Variants in MYO16 observed in about 807,000 individuals in gnomAD.
MYO16 encodes the protein unconventional myosin-XVI.
In MYO16, 94 loss-of-function variants were observed where a neutral mutation model predicts 205.3. That is an observed-to-expected ratio of 0.46 (90% confidence interval 0.39 to 0.54). The LOEUF is 0.54. MYO16 is among the 20% of genes least tolerant of loss of function. The pLI is 0.00. For missense variants in MYO16, 2,315 were observed against 2,387.5 expected (o/e 0.97, Z 0.63); for synonymous variants, 988 against 954.0 (o/e 1.04, Z -0.66).
chr13:108,667,320 G>T (rs1571076), intron 2 of MYO16, among the ~76,000 whole-genome samples: 50,543 of 127,594 alleles, frequency 0.4, 9,449 homozygotes, highest in East Asian at 0.59. Context: ...TTTCTGTTTT[G>T]TTTTTTTTTT....
At chr13:108,985,425 G>A (rs1276518158) in intron 20 of MYO16, among the ~76,000 whole-genome samples, 3 of 152,168 alleles carry the variant, frequency 2.0e-5, no homozygotes, top group African/African-American at 7.2e-5. Flanking sequence ...GTGGGAAGGA[G>A]TAAAGTCATT....
chr13:108,717,101 T>TA (rs1023614642), intron 3 of MYO16, among the ~76,000 whole-genome samples: 1 of 152,048 alleles, frequency 6.6e-6, no homozygotes, highest in African/African-American at 2.4e-5. Context: ...GTTTATGAAG[T>TA]AAAAAACAGT....
At chr13:109,202,771 C>A (rs1337233420) in intron 34 of MYO16, among the ~76,000 whole-genome samples, 3 of 152,128 alleles carry the variant, frequency 2.0e-5, no homozygotes, top group Non-Finnish European at 2.9e-5. Context: ...AAGAAAAAAT[C>A]TGGAGACATC....
intron 1 of MYO16, among the ~76,000 whole-genome samples, chr13:108,615,033 G>C (rs1879302294): frequency 6.6e-6 from 1 of 151,960 alleles, no homozygotes; most frequent in Non-Finnish European, 1.5e-5. Context: ...CATAGAATGG[G>C]AGAAAACATT....
chr13:109,193,120 CCT>C (rs778358688), intron 34 of MYO16, among the ~76,000 whole-genome samples: 4 of 151,732 alleles, frequency 2.6e-5, no homozygotes, highest in Middle Eastern at 3.4e-3. Context: ...TCTCTCTCTC[CCT>C]CTCTCTTTCT....
intron 11 of MYO16, 104 bp downstream of exon 11, chr13:108,855,657 T>C: frequency 2.7e-6 from 2 of 742,492 alleles, no homozygotes; most frequent in Non-Finnish European, 4.2e-6. Context: ...CATTGGAGCT[T>C]CTGGTAGTGG....
chr13:108,613,486 G>A (rs564627775), intron 1 of MYO16, among the ~76,000 whole-genome samples: 1 of 152,152 alleles, frequency 6.6e-6, no homozygotes, highest in African/African-American at 2.4e-5. Context: ...CATAATAGAT[G>A]AAGAAGGAAC....
At chr13:108,721,768 C>T (rs1216286278) in intron 3 of MYO16, among the ~76,000 whole-genome samples, 1 of 152,186 alleles carries the variant, frequency 6.6e-6, no homozygotes, top group Non-Finnish European at 1.5e-5. Flanking sequence ...TTTCCCTACA[C>T]TGGACAAGGC....
intron 9 of MYO16, among the ~76,000 whole-genome samples, chr13:108,833,073 A>G (rs901785816): frequency 6.6e-6 from 1 of 152,124 alleles, no homozygotes; most frequent in African/African-American, 2.4e-5. Flanking sequence ...ACTAAATTAT[A>G]CTTAATTTCC....
Position 109,127,609 on chromosome 13 carries a change from C to T in MYO16, c.4051+59C>T. On this transcript the variant is annotated intron_variant, in intron 31 of 34. Transcript: ENST00000457511. The surrounding 1 kb of genome is among the most constrained non-coding windows in gnomAD (Gnocchi z 4.2). ...CGGGCTCGCGCATGCTCTGACTTCG[C>T]CTTGGGGCGCCCATGGCAGTACTGT... is the stretch of plus-strand genomic sequence containing the variant. 3 of 1,560,634 alleles carry T rather than the reference C, an allele frequency of 1.9e-6. No homozygotes were observed. The highest frequency in any genetic ancestry group is 2.6e-6 in the Non-Finnish European group (3 of 1,154,076).
Position 109,109,575 on chromosome 13 carries a change from G to A in MYO16, c.3438+8688G>A, listed in dbSNP as rs146460184. 1.0e-4 allele frequency among the ~76,000 whole-genome samples: 15 copies of A among 150,374 alleles called. No homozygotes were observed. In the East Asian group the frequency reaches 2.1e-3, roughly 21 times the overall value. On this transcript the variant is annotated intron_variant, in intron 28 of 34. Transcript: ENST00000457511. ...GGTGGATGGGACAAGGGAGGAAGCC[G>A]AGAACACGAAGGGAGGGGAGAGGAC...
intron 28 of MYO16, among the ~76,000 whole-genome samples, chr13:109,117,860 T>A (rs1044871028): frequency 5.3e-5 from 8 of 152,294 alleles, no homozygotes; most frequent in Non-Finnish European, 7.4e-5. Flanking sequence ...ATATTTTTTT[T>A]AAATTTAGAT....
chr13:108,683,970 G>A (rs1007162560), intron 2 of MYO16, among the ~76,000 whole-genome samples: 3 of 152,196 alleles, frequency 2.0e-5, no homozygotes, highest in Non-Finnish European at 4.4e-5. Flanking sequence ...CCGCCTCCCG[G>A]GTTTAAGTGA....
Position 108,806,764 on chromosome 13 carries a change from A to G in MYO16, c.827A>G (p.Gln276Arg), listed in dbSNP as rs1887128012. 11 of 1,587,668 alleles carry G rather than the reference A, an allele frequency of 6.9e-6. No individual in the cohort carries two copies. The highest frequency in any genetic ancestry group is 6.9e-6 in the Non-Finnish European group (8 of 1,164,140). The change falls in exon 7 of 35, where the codon CAG becomes CGG. Residue 276 changes from glutamine to arginine, a missense_variant. Physicochemically the swap from Gln to Arg is conservative, Grantham distance 43. This residue lies in a region of MYO16 where 1,213 missense variants were observed against 1,274.4 expected (regional missense o/e 0.95). Coordinates refer to ENST00000457511, the MANE Select transcript of MYO16 (RefSeq NM_001198950.3). ...HGGDLNIVDD[Q>R]YWTPLHLAAK... The stretch of plus-strand genomic sequence containing the variant: ...GGAGACCTCAACATAGTAGATGATC[A>G]GTACTGGACTCCCCTCCACTTGGCA...
chr13:109,078,519 T>C (rs1888187387), intron 27 of MYO16, among the ~76,000 whole-genome samples: 1 of 152,210 alleles, frequency 6.6e-6, no homozygotes, highest in Non-Finnish European at 1.5e-5. Context: ...TCTGTGTAAT[T>C]TCTGGGTCAG....
rs534493592 is a variant in MYO16, at chr13:108,737,626, G to T, written c.507+10043G>T. Reference sequence around the variant, plus strand: ...TTTTGTTGTGTCTCTGCCAGGCTTTGGTATCAGGATGATGTTGGCCTCATA... The same window carrying T: ...TTTTGTTGTGTCTCTGCCAGGCTTTTGTATCAGGATGATGTTGGCCTCATA... On this transcript the variant is annotated intron_variant, in intron 4 of 34. Coordinates refer to ENST00000457511, the MANE Select transcript of MYO16 (RefSeq NM_001198950.3). 3.3e-5 allele frequency among the ~76,000 whole-genome samples: 5 copies of T among 152,244 alleles called. No individual in the cohort carries two copies. The East Asian group carries it at 7.7e-4, about 24-fold the overall frequency.
chr13:109,131,476 G>A (rs941384363), intron 31 of MYO16, among the ~76,000 whole-genome samples: 6 of 152,206 alleles, frequency 3.9e-5, no homozygotes, highest in African/African-American at 1.4e-4. Flanking sequence ...AATTTTGCAG[G>A]CCAATAAATG....
intron 16 of MYO16, among the ~76,000 whole-genome samples, chr13:108,932,849 C>T (rs901910974): frequency 1.3e-5 from 2 of 152,094 alleles, no homozygotes; most frequent in Non-Finnish European, 2.9e-5. Flanking sequence ...AAAGTTCCCA[C>T]AGACACTGAG....
At chr13:108,624,781 CTGAGTGTGTGTGTGTGTGTGTGTG>C (rs1472980740), upstream of MYO16, among the ~76,000 whole-genome samples, 126 of 121,640 alleles carry the variant, frequency 1.0e-3, no homozygotes, top group Non-Finnish European at 8.4e-4. Context: ...CCCATATAGC[CTGAGTGTGTGTGTGTGTGTGTGTG>C]TGTGTGTGTG....
Sources: allele counts gnomAD v4.1 joint callset (sites outside exome capture counted in the v4.1 genomes callset), GRCh38; gene constraint gnomAD v4.1.1; regional missense constraint gnomAD v4.1.1; non-coding constraint Gnocchi (gnomAD v3.1); transcripts MANE v1.5; gene names NCBI Gene and HGNC (gene_info 2026-07-23, HGNC 2026-07-21).